MRTFB: variants seen among roughly 807,000 people sequenced by gnomAD.
The protein encoded by MRTFB is myocardin related transcription factor B.
A neutral mutation model predicts 104.2 loss-of-function variants in MRTFB; 29 were observed. That is an observed-to-expected ratio of 0.28 (90% confidence interval 0.21 to 0.38). The LOEUF (loss-of-function observed/expected upper bound fraction) is 0.38. Ranked by LOEUF, MRTFB falls within the 10% of genes least tolerant of loss-of-function variation. The probability of loss-of-function intolerance (pLI) is 1.00; values close to 1 mark genes in which losing one functional copy is unlikely to be tolerated. For synonymous variants in MRTFB, 535 were observed against 519.5 expected, an observed-to-expected ratio of 1.03 and a Z score of -0.41; for missense variants, 1,270 against 1,341.6, an observed-to-expected ratio of 0.95 and a Z score of 0.83.
chr16:14,174,020 A>T (rs1184766590), intron 3 of MRTFB, among the ~76,000 whole-genome samples: 1 of 152,102 alleles, frequency 6.6e-6, no homozygotes, highest in African/African-American at 2.4e-5. Context: ...TTACATTGAG[A>T]TCAGAGTTGT....
the MRTFB span, among the ~76,000 whole-genome samples, chr16:14,037,305 C>G: frequency 6.6e-6 from 1 of 152,176 alleles, no homozygotes; most frequent in African/African-American, 2.4e-5. Context: ...GATGGTAGAT[C>G]ATGGTTATTG....
chr16:14,017,601 A>G, the MRTFB span, among the ~76,000 whole-genome samples: 10 of 1,572 alleles, frequency 6.4e-3, no homozygotes, highest in Non-Finnish European at 0.036. Context: ...CAGTATATAT[A>G]TATATATATA....
At chr16:14,175,124 A>C (rs2039538728) in intron 3 of MRTFB, among the ~76,000 whole-genome samples, 1 of 151,420 alleles carries the variant, frequency 6.6e-6, no homozygotes, top group Non-Finnish European at 1.5e-5. Context: ...CTCTGTTCCC[A>C]CGAGTAACCT....
At chr16:14,103,964 A>T (rs2035839870) in intron 2 of MRTFB, among the ~76,000 whole-genome samples, 1 of 152,232 alleles carries the variant, frequency 6.6e-6, no homozygotes, top group African/African-American at 2.4e-5. Flanking sequence ...CTGCTGAGAC[A>T]TAGAAACCAT....
intron 8 of MRTFB, among the ~76,000 whole-genome samples, chr16:14,224,252 G>C (rs1416424993): frequency 6.6e-6 from 1 of 152,018 alleles, no homozygotes; most frequent in Non-Finnish European, 1.5e-5. Flanking sequence ...ATGAGATTTG[G>C]TCATGATTCA....
chr16:14,200,841 G>A (rs2040668240), intron 3 of MRTFB: 2 of 1,462,156 alleles, frequency 1.4e-6, no homozygotes, highest in Admixed American at 1.7e-5. Flanking sequence ...TGGGTGTGGT[G>A]CTACAAGGTG....
chr16:14,196,067 CAT>C (rs1567442493), intron 3 of MRTFB, among the ~76,000 whole-genome samples: 1 of 152,202 alleles, frequency 6.6e-6, no homozygotes, highest in Non-Finnish European at 1.5e-5. Flanking sequence ...AACATACTGT[CAT>C]ATCACAAGAA....
chr16:14,194,273 G>A (rs757279678), intron 3 of MRTFB, among the ~76,000 whole-genome samples: 9 of 152,230 alleles, frequency 5.9e-5, no homozygotes, highest in Non-Finnish European at 8.8e-5. Context: ...TGGAGGCTAG[G>A]AAGCCTGGTG....
At position 14,127,923 on chromosome 16, in the gene MRTFB, ATATATATTTTTTTTTTTT is replaced by A. The variant is rs1460768872; in HGVS notation, c.-63-12619_-63-12602del. ...TGAATATATATATATATATATATAT[ATATATATTTTTTTTTTTT>A]TTTTTTTTTTCTTTTTTTCCCCTTT... On this transcript the variant is annotated intron_variant, in intron 2 of 16. Transcript: ENST00000571589. 2.7e-3 allele frequency among the ~76,000 whole-genome samples: 107 copies of A among 39,186 alleles called. 1 individual carries two copies. The African/African-American group carries it at 0.028, about 10-fold the overall frequency. The allele number at this position is 39,186 out of a possible 152,430, so 25.7% of individuals were successfully genotyped here.
chr16:14,071,101 G>A (rs954624844), upstream of MRTFB, among the ~76,000 whole-genome samples: 1 of 152,200 alleles, frequency 6.6e-6, no homozygotes, highest in Non-Finnish European at 1.5e-5. Context: ...CAGGTGAGAA[G>A]GAGGCGGCCG....
chr16:14,145,967 C>G (rs936911932), intron 3 of MRTFB, among the ~76,000 whole-genome samples: 10 of 152,244 alleles, frequency 6.6e-5, no homozygotes, highest in African/African-American at 2.4e-4. Context: ...AGAAGCTGTT[C>G]CTTCCTGAGG....
Position 14,247,631 on chromosome 16 carries a change from G to A in MRTFB, c.2247+124G>A, listed in dbSNP as rs148802453. 2,345 of 801,872 alleles carry A rather than the reference G, an allele frequency of 2.9e-3. 26 individuals are homozygous for A. The highest frequency in any genetic ancestry group is 0.019 in the South Asian group (1,047 of 54,250). The allele number at this position is 801,872 out of a possible 1,614,324, so 49.7% of individuals were successfully genotyped here. On this transcript the variant is annotated intron_variant, in intron 12 of 16. Coordinates refer to ENST00000571589, the MANE Select transcript of MRTFB (RefSeq NM_001308142.2). Reference sequence around the variant, plus strand: ...CCAGAGCAGACCCCACGGAGAAAACGTATGCATGTGTGAGAGGGTTATTCA... The same window carrying A: ...CCAGAGCAGACCCCACGGAGAAAACATATGCATGTGTGAGAGGGTTATTCA...
intron 2 of MRTFB, among the ~76,000 whole-genome samples, chr16:14,079,915 A>G (rs2034295562): frequency 6.6e-6 from 1 of 152,142 alleles, no homozygotes; most frequent in South Asian, 2.1e-4. Context: ...TATATACAAA[A>G]TTTTAAATAA....
At chr16:13,998,521 CTGTAGT>C in the MRTFB span, among the ~76,000 whole-genome samples, 1 of 152,020 alleles carries the variant, frequency 6.6e-6, no homozygotes, top group Non-Finnish European at 1.5e-5. Context: ...AGTTGCACAC[CTGTAGT>C]TCCAGCTACT....
At chr16:14,102,960 A>G (rs914843358) in intron 2 of MRTFB, among the ~76,000 whole-genome samples, 4 of 152,144 alleles carry the variant, frequency 2.6e-5, no homozygotes, top group African/African-American at 9.7e-5. Context: ...TGGAGTAGAG[A>G]GACCATTTGT....
At chr16:14,184,969 A>G (rs954046340) in intron 3 of MRTFB, among the ~76,000 whole-genome samples, 1 of 152,124 alleles carries the variant, frequency 6.6e-6, no homozygotes, top group African/African-American at 2.4e-5. Flanking sequence ...GTTAAATTAG[A>G]TAAACCTTGC....
intron 9 of MRTFB, among the ~76,000 whole-genome samples, chr16:14,235,646 C>A (rs953092948): frequency 6.6e-6 from 1 of 152,150 alleles, no homozygotes; most frequent in Non-Finnish European, 1.5e-5. Flanking sequence ...CAGAATTCTT[C>A]CAGTGTTTCT....
intron 2 of MRTFB, among the ~76,000 whole-genome samples, chr16:14,119,920 C>G (rs556368275): frequency 1.3e-5 from 2 of 152,202 alleles, no homozygotes; most frequent in East Asian, 3.9e-4. Flanking sequence ...AGATCATTCT[C>G]CAGAGCAGCT....
At chr16:14,168,583 TTAG>T (rs2039325116) in intron 3 of MRTFB, among the ~76,000 whole-genome samples, 1 of 152,250 alleles carries the variant, frequency 6.6e-6, no homozygotes, top group African/African-American at 2.4e-5. Context: ...TTGTTGTTGC[TTAG>T]TAGTATTCCA....
Sources: gnomAD v4.1 joint callset for allele counts (sites outside exome capture counted in the v4.1 genomes callset) on GRCh38, gnomAD v4.1.1 for gene constraint, MANE v1.5 for transcripts, NCBI Gene and HGNC (gene_info 2026-07-23, HGNC 2026-07-21) for gene names.